KAT6B: variants seen among roughly 807,000 people sequenced by gnomAD.
The protein encoded by KAT6B is histone acetyltransferase KAT6B.
KAT6B carries 10 observed loss-of-function variants against 187.5 expected under a neutral mutation model. The ratio of observed to expected loss-of-function variants is 0.05; its 90% CI spans 0.03 to 0.09. KAT6B has a LOEUF of 0.09. Among genes scored for constraint, KAT6B ranks in the 10% least tolerant of loss-of-function variants. The pLI, the probability that KAT6B is intolerant of heterozygous loss-of-function variation, is 1.00. For synonymous variants in KAT6B, 861 were observed against 926.8 expected, an observed-to-expected ratio of 0.93 and a Z score of 1.29; for missense variants, 1,952 against 2,558.9, an observed-to-expected ratio of 0.76 and a Z score of 5.12.
At chr10:74,947,555 T>C (rs1056002477) in intron 3 of KAT6B, among the ~76,000 whole-genome samples, 1 of 152,222 alleles carries the variant, frequency 6.6e-6, no homozygotes, top group Non-Finnish European at 1.5e-5. Context: ...TTATGTATAG[T>C]AATTAAGATA....
At chr10:75,012,098 G>A (rs77133227) in intron 13 of KAT6B, among the ~76,000 whole-genome samples, 5,985 of 152,282 alleles carry the variant, frequency 0.039, 253 homozygotes, top group East Asian at 0.16. Context: ...AAAGCCCCAA[G>A]TGAGTCTGAT....
intron 13 of KAT6B, among the ~76,000 whole-genome samples, chr10:75,016,592 G>C (rs780692851): frequency 6.6e-6 from 1 of 152,210 alleles, no homozygotes; most frequent in Non-Finnish European, 1.5e-5. Flanking sequence ...AAGTGCTGTT[G>C]GCCAGCACCT....
intron 12 of KAT6B, among the ~76,000 whole-genome samples, chr10:74,987,463 T>C (rs1310452102): frequency 6.6e-6 from 1 of 152,098 alleles, no homozygotes; most frequent in East Asian, 1.9e-4. Context: ...CTAAACCATA[T>C]TCTCATGTGT....
At chr10:74,895,733 T>C (rs1845942850) in intron 3 of KAT6B, among the ~76,000 whole-genome samples, 1 of 152,106 alleles carries the variant, frequency 6.6e-6, no homozygotes, top group Non-Finnish European at 1.5e-5. Flanking sequence ...AAAGATGAAG[T>C]TTCACCGTGT....
chr10:74,919,232 A>C (rs1847932140), intron 3 of KAT6B, among the ~76,000 whole-genome samples: 1 of 151,800 alleles, frequency 6.6e-6, no homozygotes, highest in Non-Finnish European at 1.5e-5. Flanking sequence ...CTATCTATCT[A>C]TATATATATA....
chr10:74,934,489 G>A (rs536652238), intron 3 of KAT6B, among the ~76,000 whole-genome samples: 126 of 152,110 alleles, frequency 8.3e-4, no homozygotes, highest in Middle Eastern at 3.4e-3. Flanking sequence ...TGACCATGCC[G>A]GCTGCATCCT....
At chr10:74,847,815 G>A (rs530653579) in intron 3 of KAT6B, among the ~76,000 whole-genome samples, 11 of 151,974 alleles carry the variant, frequency 7.2e-5, no homozygotes, top group African/African-American at 1.7e-4. Flanking sequence ...TTCTTAGCCC[G>A]GGATCCACAA....
intron 13 of KAT6B, among the ~76,000 whole-genome samples, chr10:74,990,892 C>T (rs1216519300): frequency 6.6e-6 from 1 of 152,186 alleles, no homozygotes; most frequent in Non-Finnish European, 1.5e-5. Context: ...CCAGCCTGTC[C>T]TTTAGGCTTT....
rs1368320241 is a variant in KAT6B at position 75,032,015 on chromosome 10, G to A, written c.*969G>A. The stretch of plus-strand genomic sequence containing the variant: ...TTTTTTAAGGAAAAATAGAAAAGTA[G>A]CTTGTGAATAGCTCAAACTAAGCTT... On this transcript the variant is annotated 3_prime_UTR_variant, in exon 18 of 18. Coordinates refer to ENST00000287239, the MANE Select transcript of KAT6B (RefSeq NM_012330.4). 5.2e-6 allele frequency: 1 copy of A among 193,796 alleles called. No homozygotes were observed. Among genetic ancestry groups the A allele is most frequent in the East Asian group, 8.2e-5 (1 of 12,166 alleles). The allele number at this position is 193,796 out of a possible 1,614,324, so 12.0% of individuals were successfully genotyped here.
At chr10:74,951,927 C>G (rs900588349) in intron 3 of KAT6B, among the ~76,000 whole-genome samples, 1 of 152,198 alleles carries the variant, frequency 6.6e-6, no homozygotes, top group Non-Finnish European at 1.5e-5. Flanking sequence ...TCAATAGATA[C>G]ACTTTTGAAG....
intron 3 of KAT6B, among the ~76,000 whole-genome samples, chr10:74,900,972 A>C (rs1589582023): frequency 6.6e-6 from 1 of 152,142 alleles, no homozygotes; most frequent in East Asian, 1.9e-4. Flanking sequence ...TGAGTGTCCT[A>C]AGTGTGTGTC....
intron 3 of KAT6B, among the ~76,000 whole-genome samples, chr10:74,895,192 G>C (rs1845907513): frequency 6.6e-6 from 1 of 151,454 alleles, no homozygotes; most frequent in Non-Finnish European, 1.5e-5. Context: ...TATCTTCTTT[G>C]GAGAAATGTC....
chr10:74,916,886 G>A (rs899848641), intron 3 of KAT6B, among the ~76,000 whole-genome samples: 7 of 152,280 alleles, frequency 4.6e-5, no homozygotes, highest in Middle Eastern at 3.4e-3. Context: ...TGGATGTCTT[G>A]AGCTCAGGAG....
At chr10:74,928,367 A>C (rs1848642968) in intron 3 of KAT6B, among the ~76,000 whole-genome samples, 2 of 152,212 alleles carry the variant, frequency 1.3e-5, no homozygotes, top group Admixed American at 6.5e-5. Flanking sequence ...AGAAACTAGC[A>C]GTATGATTGG....
chr10:74,942,042 C>T (rs1019581684), intron 3 of KAT6B, among the ~76,000 whole-genome samples: 11 of 152,116 alleles, frequency 7.2e-5, no homozygotes, highest in South Asian at 2.1e-4. Context: ...CCCAGCTACT[C>T]AGGAGGCTGA....
rs201828896 is a variant in KAT6B, at chr10:74,843,219, C to T, written c.362C>T (p.Pro121Leu). 2.7e-5 allele frequency: 43 copies of T among 1,614,160 alleles called. No homozygotes were observed. The South Asian group carries it at 3.3e-4, about 12-fold the overall frequency. The change falls in exon 3 of 18, where the codon CCG becomes CTG. Residue 121 changes from proline to leucine, a missense_variant. This residue lies in a region of KAT6B where 218 missense variants were observed against 282.6 expected (regional missense o/e 0.77). Transcript: ENST00000287239. ...AGAGCAATTGAAGGACTTGAGGAGC[C>T]GAATGGCTCCTCCCTGAAGAACATA... is the stretch of plus-strand genomic sequence containing the variant. ...LRRAIEGLEE[P>L]NGSSLKNIEK...
At chr10:74,835,893 A>T (rs981885514) in intron 1 of KAT6B, among the ~76,000 whole-genome samples, 2 of 152,350 alleles carry the variant, frequency 1.3e-5, no homozygotes, top group East Asian at 3.9e-4. Flanking sequence ...CATTTAGTAC[A>T]TTCAGTGTTG....
At chr10:74,962,840 G>GT (rs1222083818) in intron 4 of KAT6B, among the ~76,000 whole-genome samples, 8 of 150,314 alleles carry the variant, frequency 5.3e-5, no homozygotes, top group South Asian at 4.2e-4. Context: ...TTCTTTAACA[G>GT]TTTTTTTTTC....
intron 1 of KAT6B, among the ~76,000 whole-genome samples, chr10:74,830,507 A>AGAT (rs1840671998): frequency 6.6e-6 from 1 of 151,796 alleles, no homozygotes; most frequent in African/African-American, 2.4e-5. Flanking sequence ...ATCTAGGGTT[A>AGAT]GATGATGAAT....
Sources: gnomAD v4.1 joint callset for allele counts (sites outside exome capture counted in the v4.1 genomes callset) on GRCh38, gnomAD v4.1.1 for gene constraint, gnomAD v4.1.1 regional missense constraint, MANE v1.5 for transcripts, NCBI Gene and HGNC (gene_info 2026-07-23, HGNC 2026-07-21) for gene names.